Variants in PSMB7 observed in about 807,000 individuals in gnomAD.
PSMB7 encodes proteasome subunit beta type-7.
PSMB7 carries 5 observed loss-of-function variants against 28.1 expected under a neutral mutation model. The ratio of observed to expected loss-of-function variants is 0.18; its 90% confidence interval spans 0.09 to 0.37. The LOEUF (loss-of-function observed/expected upper bound fraction) is 0.37. PSMB7 is among the 10% of genes least tolerant of loss of function. The pLI, the probability that PSMB7 is intolerant of heterozygous loss-of-function variation, is 1.00. For missense variants in PSMB7, 275 were observed against 346.2 expected (o/e 0.79, Z 1.63); for synonymous variants, 122 against 123.7 (o/e 0.99, Z 0.09).
chr9:124,415,297 G>A (rs887928552), intron 1 of PSMB7, 67 bp downstream of exon 1: 4 of 1,497,854 alleles, frequency 2.7e-6, no homozygotes, highest in South Asian at 2.3e-5. Flanking sequence ...ATCACACCTT[G>A]GCCCAGCTCC....
In PSMB7 at chr9:124,356,157, GAC is replaced by G. The variant is rs1193385885; in HGVS notation, c.722+605_722+606del. ...GACACTGCAAACGAGCTGCTCCTCT[GAC>G]ACATGCTAGCCACCAGGTTTGGAAA... On this transcript the variant is annotated intron_variant, in intron 7 of 7. Transcript: ENST00000259457. This position sits in a 1 kb window ranked among gnomAD's most constrained non-coding sequence, Gnocchi z 4.4. 6.6e-6 allele frequency among the ~76,000 whole-genome samples: 1 copy of G among 152,142 alleles called. No individual in the cohort carries two copies. The highest frequency in any genetic ancestry group is 1.5e-5 in the Non-Finnish European group (1 of 68,030).
At position 124,412,336 on chromosome 9, in the gene PSMB7, C is replaced by T; in HGVS notation, c.395+16G>A. 1 of 1,612,698 alleles carries T rather than the reference C, an allele frequency of 6.2e-7. No individual in the cohort carries two copies. The highest frequency in any genetic ancestry group is 1.1e-5 in the South Asian group (1 of 90,988). On this transcript the variant is annotated intron_variant, in intron 4 of 7. Coordinates refer to ENST00000259457, the MANE Select transcript of PSMB7 (RefSeq NM_002799.4). Reference sequence around the variant, plus strand: ...AGAAGAAGATACTAGTAGGAATCCCCATTCTGGAAACTTACCTGAAAAGCA... The same window carrying T: ...AGAAGAAGATACTAGTAGGAATCCCTATTCTGGAAACTTACCTGAAAAGCA...
At chr9:124,374,466 A>T (rs183503476) in intron 6 of PSMB7, among the ~76,000 whole-genome samples, 3 of 152,366 alleles carry the variant, frequency 2.0e-5, no homozygotes, top group Admixed American at 1.3e-4. Flanking sequence ...AGACCTAAAA[A>T]AGTAGTCAAA....
chr9:124,413,756 C>T (rs895217962), intron 3 of PSMB7, 152 bp downstream of exon 3: 58 of 570,296 alleles, frequency 1.0e-4, no homozygotes, highest in Non-Finnish European at 1.6e-4. Context: ...CTTGAAGTTA[C>T]TGGCTTAGGT....
chr9:124,362,829 T>C (rs1025519529), intron 6 of PSMB7, among the ~76,000 whole-genome samples: 16 of 152,228 alleles, frequency 1.1e-4, no homozygotes, highest in Non-Finnish European at 2.2e-4. Flanking sequence ...ATGGTAAGTA[T>C]ATACAGTTTT....
At chr9:124,407,009 T>C (rs1830973178) in intron 4 of PSMB7, among the ~76,000 whole-genome samples, 1 of 151,934 alleles carries the variant, frequency 6.6e-6, no homozygotes, top group African/African-American at 2.4e-5. Flanking sequence ...ATAAAAAAAA[T>C]CAAAAGAAGA....
At chr9:124,369,503 T>A (rs745717801) in intron 6 of PSMB7, among the ~76,000 whole-genome samples, 8 of 152,240 alleles carry the variant, frequency 5.3e-5, no homozygotes, top group Non-Finnish European at 8.8e-5. Context: ...TAATGGAACG[T>A]GGCAGCTTTC....
intron 6 of PSMB7, among the ~76,000 whole-genome samples, chr9:124,365,124 CAGCA>C (rs1476341860): frequency 6.6e-6 from 1 of 152,220 alleles, no homozygotes; most frequent in Non-Finnish European, 1.5e-5. Flanking sequence ...TAGCTTAGCT[CAGCA>C]AGCATCACGA....
At chr9:124,400,338 G>A (rs1830888756) in intron 5 of PSMB7, among the ~76,000 whole-genome samples, 1 of 152,218 alleles carries the variant, frequency 6.6e-6, no homozygotes, top group African/African-American at 2.4e-5. Context: ...AAGCGTCCTT[G>A]TATTCTCTAG....
At chr9:124,360,222 A>C (rs1206078819) in intron 6 of PSMB7, among the ~76,000 whole-genome samples, 1 of 152,246 alleles carries the variant, frequency 6.6e-6, no homozygotes, top group Non-Finnish European at 1.5e-5. Context: ...AACTATCAAG[A>C]AAAACCACAA....
intron 5 of PSMB7, chr9:124,398,546 TATA>T: frequency 3.9e-6 from 1 of 253,494 alleles, no homozygotes; most frequent in Non-Finnish European, 8.5e-6. Context: ...TATATATGCA[TATA>T]TATAGTTTAA....
intron 3 of PSMB7, 112 bp from the exon 4 acceptor site, chr9:124,412,604 GAGTAT>G: frequency 9.0e-7 from 1 of 1,109,316 alleles, no homozygotes; most frequent in Non-Finnish European, 1.3e-6. Context: ...AGATGTTTTT[GAGTAT>G]ATCTATGCTG....
chr9:124,366,115 T>C (rs1018910242), intron 6 of PSMB7, among the ~76,000 whole-genome samples: 4 of 151,962 alleles, frequency 2.6e-5, no homozygotes, highest in African/African-American at 9.7e-5. Flanking sequence ...ATTTTTTTAA[T>C]AGAGAAAAGC....
intron 6 of PSMB7, chr9:124,384,220 A>G (rs1306335144): frequency 5.3e-6 from 1 of 188,540 alleles, no homozygotes; most frequent in African/African-American, 2.3e-5. Flanking sequence ...TGTAACATGC[A>G]AAGACATACA....
In PSMB7 at chr9:124,413,924, T is replaced by C. The variant is rs1831057675; in HGVS notation, c.238A>G (p.Ile80Val). The C allele has an allele frequency of 6.2e-7, 1 of 1,606,334 alleles. No homozygotes were observed. The highest frequency in any genetic ancestry group is 8.5e-7 in the Non-Finnish European group (1 of 1,173,528). ...AATACTTACTAAATATTAGGAGATA[T>C]GAAGTGTATTTTTGAACAGTTCTTG... ...ADKNCSKIHF[I>V]SPNIYCCGAG... The change falls in exon 3 of 8, where the codon ATA (isoleucine) becomes GTA (valine). Residue 80 changes from isoleucine (I) to valine (V), a missense_variant. Coordinates refer to ENST00000259457, the MANE Select transcript of PSMB7 (RefSeq NM_002799.4).
chr9:124,362,623 GT>G (rs1408449418), intron 6 of PSMB7, among the ~76,000 whole-genome samples: 2 of 152,164 alleles, frequency 1.3e-5, no homozygotes, highest in Non-Finnish European at 2.9e-5. Flanking sequence ...CAACATCTCA[GT>G]TAGAAGGAGT....
At position 124,389,131 on chromosome 9, in the gene PSMB7, T is replaced by A. The variant is rs534709254; in HGVS notation, c.512-4475A>T. On this transcript the variant is annotated intron_variant, in intron 5 of 7. Transcript: ENST00000259457. ...TATCGCCTAGTTTACCATACTAGGC[T>A]GAATATAAGACAAACTCAAGTGTAG... Among the ~76,000 whole-genome samples, 3 of 152,344 alleles carry A rather than the reference T, an allele frequency of 2.0e-5. No homozygotes were observed. In the South Asian group the frequency reaches 6.2e-4, roughly 32 times the overall value.
chr9:124,394,761 G>A lies in PSMB7; in HGVS notation c.512-10105C>T, dbSNP rs554925727. ...GTAACAATATGAATTTTAGAAGTAA[G>A]TATTTTCTCATTTCCTGATATCACG... On this transcript the variant is annotated intron_variant, in intron 5 of 7. Coordinates refer to ENST00000259457, the MANE Select transcript of PSMB7 (RefSeq NM_002799.4). Among the ~76,000 whole-genome samples, 3 of 152,292 alleles carry A rather than the reference G, an allele frequency of 2.0e-5. No individual in the cohort carries two copies. In the East Asian group the frequency reaches 5.8e-4, roughly 29 times the overall value.
chr9:124,400,635 G>A (rs578073875), intron 5 of PSMB7, among the ~76,000 whole-genome samples: 2 of 152,318 alleles, frequency 1.3e-5, no homozygotes, highest in Non-Finnish European at 2.9e-5. Context: ...CACTGTTCTT[G>A]GCCCCAAACC....
Sources: gnomAD v4.1 joint callset for allele counts (sites outside exome capture counted in the v4.1 genomes callset) on GRCh38, gnomAD v4.1.1 for gene constraint, Gnocchi (gnomAD v3.1) non-coding constraint, MANE v1.5 for transcripts, NCBI Gene and HGNC (gene_info 2026-07-23, HGNC 2026-07-21) for gene names.